Variants in CLDN14 observed in about 807,000 individuals in gnomAD.
The protein encoded by CLDN14 is claudin-14.
CLDN14 carries 2 observed loss-of-function variants against 2.1 expected under a neutral mutation model. The ratio of observed to expected loss-of-function variants is 0.96; its 90% CI spans 0.39 to 3.01. The LOEUF (loss-of-function observed/expected upper bound fraction) is 3.01. Ranked by LOEUF, CLDN14 falls within the 30% of genes most tolerant of loss-of-function variation. The probability of loss-of-function intolerance (pLI) is 0.09; values close to 1 mark genes in which losing one functional copy is unlikely to be tolerated. For synonymous variants in CLDN14, 136 were observed against 154.4 expected, an observed-to-expected ratio of 0.88 and a Z score of 0.88; for missense variants, 298 against 328.0, an observed-to-expected ratio of 0.91 and a Z score of 0.71.
chr21:36,491,063 A>T (rs544455079), intron 2 of CLDN14, among the ~76,000 whole-genome samples: 1 of 152,154 alleles, frequency 6.6e-6, no homozygotes, highest in Non-Finnish European at 1.5e-5. Flanking sequence ...CAAAGGCCGA[A>T]GAAAGGCCTT....
chr21:36,495,903 C>T (rs942348187), intron 2 of CLDN14, among the ~76,000 whole-genome samples: 4 of 152,086 alleles, frequency 2.6e-5, no homozygotes, highest in East Asian at 1.9e-4. Context: ...AAGACTGAGG[C>T]GGAGATTGCA....
intron 2 of CLDN14, among the ~76,000 whole-genome samples, chr21:36,496,747 AAGGGAGGG>A (rs1338389467): frequency 2.2e-3 from 2 of 900 alleles, no homozygotes; most frequent in Admixed American, 0.025. Context: ...GGGAGGAAGG[AAGGGAGGG>A]AGGGAGGGAG....
chr21:36,536,639 G>GT (rs1337961906), intron 1 of CLDN14, among the ~76,000 whole-genome samples: 7 of 152,138 alleles, frequency 4.6e-5, no homozygotes, highest in Non-Finnish European at 8.8e-5. Context: ...GAAATTTTGC[G>GT]TTTAGTTATA....
chr21:36,492,960 G>T (rs931644346), intron 2 of CLDN14, among the ~76,000 whole-genome samples: 2 of 152,220 alleles, frequency 1.3e-5, no homozygotes, highest in Non-Finnish European at 2.9e-5. Context: ...CTGCCTGGGA[G>T]CTCTGAGCCA....
At chr21:36,527,155 G>A (rs1377319673) in intron 1 of CLDN14, among the ~76,000 whole-genome samples, 2 of 152,246 alleles carry the variant, frequency 1.3e-5, no homozygotes, top group Non-Finnish European at 2.9e-5. Context: ...CCTCTCGGAC[G>A]TGATAATTTC....
intron 2 of CLDN14, among the ~76,000 whole-genome samples, chr21:36,492,278 C>T (rs2086974471): frequency 7.1e-6 from 1 of 141,338 alleles, no homozygotes; most frequent in Admixed American, 6.9e-5. Flanking sequence ...ACTAAAAATA[C>T]AAAAAATTAG....
At chr21:36,557,563 G>A (rs968100751) in intron 1 of CLDN14, among the ~76,000 whole-genome samples, 1 of 152,114 alleles carries the variant, frequency 6.6e-6, no homozygotes, top group Non-Finnish European at 1.5e-5. Flanking sequence ...TCAAATACCT[G>A]TTGGCCATTT....
rs899600992 is a variant in CLDN14 at position 36,573,976 on chromosome 21, T to C, written c.-220+2435A>G. ...ATTGGAAGACTTAATATTGTTAAGA[T>C]GTCTTAAACTTATTCATTGGTTCTA... On this transcript the variant is annotated intron_variant, in intron 1 of 2. Transcript: ENST00000342108. Among the ~76,000 whole-genome samples, 3 of 152,198 alleles carry C rather than the reference T, an allele frequency of 2.0e-5. No individual in the cohort carries two copies. The East Asian group carries it at 5.8e-4, about 29-fold the overall frequency.
intron 1 of CLDN14, among the ~76,000 whole-genome samples, chr21:36,462,810 C>T (rs762254073): frequency 5.3e-5 from 8 of 151,904 alleles, no homozygotes; most frequent in East Asian, 1.9e-4. Context: ...CCCAGCTACT[C>T]GGGAGGCTGA....
intron 2 of CLDN14, among the ~76,000 whole-genome samples, chr21:36,497,147 G>A (rs1328666448): frequency 5.3e-5 from 1 of 18,872 alleles, no homozygotes; most frequent in African/African-American, 2.5e-4. Flanking sequence ...GGGAGGAAGG[G>A]AGGAAGGGAG....
chr21:36,499,745 C>T lies in CLDN14; in HGVS notation c.-82+10618G>A, dbSNP rs73902545. On this transcript the variant is annotated intron_variant, in intron 2 of 2. Transcript: ENST00000342108. This position sits in a 1 kb window ranked among gnomAD's most constrained non-coding sequence, Gnocchi z 4.7. ...TTGGACTACAGAGCCAAAGACAAATCGAGTGACGTATTCTAGCTCATGGAG... is the reference window on the plus strand; with the variant it reads ...TTGGACTACAGAGCCAAAGACAAATTGAGTGACGTATTCTAGCTCATGGAG... Among the ~76,000 whole-genome samples the T allele has an allele frequency of 0.02, 3,062 of 152,232 alleles. 48 individuals carry two copies. Among genetic ancestry groups the T allele is most frequent in the Middle Eastern group, 0.037 (11 of 294 alleles).
At chr21:36,540,830 A>G (rs1167623245) in intron 1 of CLDN14, among the ~76,000 whole-genome samples, 1 of 152,220 alleles carries the variant, frequency 6.6e-6, no homozygotes, top group African/African-American at 2.4e-5. Context: ...TGTTGTAAGC[A>G]GTGGATGGAC....
At chr21:36,500,238 C>G (rs950833599) in intron 2 of CLDN14, among the ~76,000 whole-genome samples, 1 of 152,082 alleles carries the variant, frequency 6.6e-6, no homozygotes, top group African/African-American at 2.4e-5. Context: ...TTGGGCTTCC[C>G]TGTACCCGCC....
rs1273281132 is a variant in CLDN14 at position 36,499,156 on chromosome 21, C to T, written c.-82+11207G>A. On this transcript the variant is annotated intron_variant, in intron 2 of 2. Transcript: ENST00000342108. The surrounding 1 kb of genome is among the most constrained non-coding windows in gnomAD (Gnocchi z 4.7). ...GGACTCAAGAAATAAGCCCAGAGCA[C>T]ACATCGGTTTTGTGGGGGCAATGAA... 1.3e-5 allele frequency among the ~76,000 whole-genome samples: 2 copies of T among 152,212 alleles called. No individual in the cohort carries two copies. The highest frequency in any genetic ancestry group is 6.5e-5 in the Admixed American group (1 of 15,284).
chr21:36,469,954 T>A (rs765696746), intron 1 of CLDN14, among the ~76,000 whole-genome samples: 8 of 152,210 alleles, frequency 5.3e-5, no homozygotes, highest in Non-Finnish European at 1.0e-4. Flanking sequence ...TTGTTGTTGT[T>A]GTTTTTCATT....
chr21:36,553,428 A>G (rs2087576698), intron 1 of CLDN14, among the ~76,000 whole-genome samples: 1 of 152,072 alleles, frequency 6.6e-6, no homozygotes, highest in Admixed American at 6.5e-5. Flanking sequence ...TCTGCTGGCA[A>G]GCTCTTGCAG....
upstream of CLDN14, among the ~76,000 whole-genome samples, chr21:36,482,495 G>C (rs779003681): frequency 2.6e-5 from 4 of 152,048 alleles, no homozygotes; most frequent in Admixed American, 2.6e-4. Context: ...ATCTCAACTG[G>C]TCTTTGAAGC....
intron 1 of CLDN14, among the ~76,000 whole-genome samples, chr21:36,466,131 C>T (rs1289701791): frequency 1.3e-5 from 2 of 152,158 alleles, no homozygotes; most frequent in Non-Finnish European, 2.9e-5. Flanking sequence ...CAATGTGCAT[C>T]GTGACTCTCC....
rs902677972 is a variant in CLDN14 at position 36,499,095 on chromosome 21, T to C, written c.-82+11268A>G. Among the ~76,000 whole-genome samples the C allele has an allele frequency of 2.0e-5, 3 of 152,200 alleles. No homozygotes were observed. The highest frequency in any genetic ancestry group is 1.9e-4 in the East Asian group (1 of 5,172). ...GGGGTTGCATCTTAGGAAATTTCAT[T>C]GAAGGAGGAGTAGAGAGATGATATC... On this transcript the variant is annotated intron_variant, in intron 2 of 2. Coordinates refer to the CLDN14 transcript ENST00000342108. The surrounding 1 kb of genome is among the most constrained non-coding windows in gnomAD (Gnocchi z 4.7).
Sources: gnomAD v4.1 joint callset for allele counts (sites outside exome capture counted in the v4.1 genomes callset) on GRCh38, gnomAD v4.1.1 for gene constraint, Gnocchi (gnomAD v3.1) non-coding constraint, MANE v1.5 for transcripts, NCBI Gene and HGNC (gene_info 2026-07-23, HGNC 2026-07-21) for gene names.